The following PRSS12 variants were observed in gnomAD, a reference collection of about 807,000 sequenced individuals.
PRSS12 encodes serine protease 12, also known as neurotrypsin.
In PRSS12, 85 loss-of-function variants were observed where a neutral mutation model predicts 104.4. The ratio of observed to expected loss-of-function variants is 0.81; its 90% confidence interval spans 0.68 to 0.98. The LOEUF (loss-of-function observed/expected upper bound fraction) is 0.98, where lower values mean the gene tolerates loss of function less well. Among genes scored for constraint, PRSS12 ranks in the 50% least tolerant of loss-of-function variants. PRSS12 has a pLI of 0.00. For synonymous variants in PRSS12, 454 were observed against 425.2 expected (o/e 1.07, Z -0.83); for missense variants, 1,141 against 1,139.2 (o/e 1.00, Z -0.02).
chr4:118,298,285 ACAT>A lies in PRSS12; in HGVS notation c.1837+445_1837+447del, dbSNP rs1456119078. The stretch of plus-strand genomic sequence containing the variant: ...AATTTCAGAGAATAAAATCTACAAA[ACAT>A]CATTTTCTTTTTGAAATTCATTTTT... On this transcript the variant is annotated intron_variant, in intron 9 of 12. Coordinates refer to ENST00000296498, the MANE Select transcript of PRSS12 (RefSeq NM_003619.4). 2.0e-5 allele frequency among the ~76,000 whole-genome samples: 3 copies of A among 152,148 alleles called. No homozygotes were observed. In the South Asian group the frequency reaches 6.2e-4, roughly 32 times the overall value.
intron 1 of PRSS12, among the ~76,000 whole-genome samples, 163 bp downstream of exon 1, chr4:118,352,056 A>G (rs1724518756): frequency 6.6e-6 from 1 of 152,024 alleles, no homozygotes; most frequent in Non-Finnish European, 1.5e-5. Context: ...GCACCAGTAT[A>G]CCTTACTGGT....
intron 4 of PRSS12, among the ~76,000 whole-genome samples, chr4:118,322,989 A>G (rs1266392834): frequency 3.9e-5 from 6 of 152,092 alleles, no homozygotes; most frequent in Admixed American, 3.9e-4. Context: ...ACTGTCCAGA[A>G]ACCAAGTTTT....
At chr4:118,290,343 CTG>C (rs1743101467) in intron 11 of PRSS12, among the ~76,000 whole-genome samples, 1 of 152,160 alleles carries the variant, frequency 6.6e-6, no homozygotes, top group Non-Finnish European at 1.5e-5. Flanking sequence ...ACTCCTATGA[CTG>C]TAACTTTTGG....
At chr4:118,313,491 A>G (rs917263634) in intron 6 of PRSS12, 94 bp from the exon 7 acceptor site, 1 of 1,305,124 alleles carries the variant, frequency 7.7e-7, no homozygotes, top group Non-Finnish European at 1.1e-6. Context: ...GTTCAGTGAC[A>G]TGACTTCAGA....
At position 118,352,402 on chromosome 4, in the gene PRSS12, C is replaced by T. The variant is rs1433884757; in HGVS notation, c.319G>A (p.Ala107Thr). ...ACCTCCGCCCACCGCAGACACGGGG[C>T]GCCGAAGTCCGTCACGCTGACCCAT... ...EPWVSVTDFG[A>T]PCLRWAEVPP... is the part of the protein sequence containing the mutation. Residue 107 changes from alanine to threonine, a missense_variant, in exon 1 of 13, where the codon GCC becomes ACC. By Grantham distance (58) the Ala-to-Thr change is moderately conservative. Transcript: ENST00000296498. 1.3e-6 allele frequency: 2 copies of T among 1,538,522 alleles called. No homozygotes were observed. Among genetic ancestry groups the T allele is most frequent in the African/African-American group, 1.4e-5 (1 of 73,066 alleles).
intron 1 of PRSS12, among the ~76,000 whole-genome samples, chr4:118,349,231 C>T (rs1724431467): frequency 6.6e-6 from 1 of 151,804 alleles, no homozygotes; most frequent in Non-Finnish European, 1.5e-5. Context: ...TTTCTTTTGC[C>T]CTGGATTTCT....
chr4:118,294,471 GAAGA>G (rs1169697605), intron 11 of PRSS12, among the ~76,000 whole-genome samples: 3 of 152,122 alleles, frequency 2.0e-5, no homozygotes, highest in Non-Finnish European at 4.4e-5. Context: ...TTTGGGACAA[GAAGA>G]AATAATCAGG....
At chr4:118,304,162 GTATA>G (rs1401884332) in intron 8 of PRSS12, among the ~76,000 whole-genome samples, 1 of 151,526 alleles carries the variant, frequency 6.6e-6, no homozygotes, top group African/African-American at 2.4e-5. Context: ...GCATACATGT[GTATA>G]TGTATGTGTG....
rs571583637 is a variant in PRSS12 at position 118,332,002 on chromosome 4, C to T, written c.821-136G>A. On this transcript the variant is annotated intron_variant, in intron 3 of 12. Transcript: ENST00000296498. ...AAGCCACACCAGTGATATGGACATA[C>T]GTATATATATCTAATATATTATGGT... is the stretch of plus-strand genomic sequence containing the variant. The T allele has an allele frequency of 1.1e-4, 108 of 1,017,744 alleles. 1 individual carries two copies. The highest frequency in any genetic ancestry group is 8.7e-4 in the African/African-American group (54 of 61,720). 63.0% of individuals were successfully genotyped at this position (1,017,744 alleles called of 1,614,324 possible).
intron 6 of PRSS12, among the ~76,000 whole-genome samples, chr4:118,314,282 ATCTT>A (rs1194890950): frequency 2.6e-5 from 4 of 150,996 alleles, no homozygotes; most frequent in African/African-American, 9.7e-5. Context: ...ATATGAAGAG[ATCTT>A]TCTATCTGAC....
chr4:118,332,581 C>T (rs937810290), intron 3 of PRSS12, among the ~76,000 whole-genome samples: 6 of 152,146 alleles, frequency 3.9e-5, no homozygotes, highest in African/African-American at 1.4e-4. Context: ...CTAATTTTGT[C>T]TTCCTGAGAG....
rs571117031 is a variant in PRSS12 at position 118,318,748 on chromosome 4, T to C, written c.972-192A>G. On this transcript the variant is annotated intron_variant, in intron 4 of 12. Coordinates refer to ENST00000296498, the MANE Select transcript of PRSS12 (RefSeq NM_003619.4). ...CCTTTATATTTTCAGCCATTACCCA[T>C]GTTTCAAAGTTAGGTACTGCCCAAT... 5.4e-3 allele frequency among the ~76,000 whole-genome samples: 824 copies of C among 152,348 alleles called. 15 individuals are homozygous for C. Among genetic ancestry groups the C allele is most frequent in the African/African-American group, 0.019 (779 of 41,576 alleles).
intron 6 of PRSS12, among the ~76,000 whole-genome samples, chr4:118,315,319 GTTT>G (rs1165300181): frequency 6.6e-6 from 1 of 151,882 alleles, no homozygotes; most frequent in East Asian, 1.9e-4. Context: ...AAATTATGGA[GTTT>G]TTTATTTTCA....
chr4:118,328,158 G>T (rs749922440), intron 4 of PRSS12, among the ~76,000 whole-genome samples: 3 of 152,162 alleles, frequency 2.0e-5, no homozygotes. Flanking sequence ...AAATTATAGA[G>T]AAAGAAGAGT....
chr4:118,346,021 A>C (rs1387685220), intron 1 of PRSS12, among the ~76,000 whole-genome samples: 1 of 152,212 alleles, frequency 6.6e-6, no homozygotes, highest in Non-Finnish European at 1.5e-5. Context: ...GAAATGTGGA[A>C]GTCTGTGGGG....
chr4:118,315,483 T>C (rs900476740), intron 6 of PRSS12, among the ~76,000 whole-genome samples: 4 of 152,186 alleles, frequency 2.6e-5, no homozygotes, highest in Non-Finnish European at 5.9e-5. Flanking sequence ...TTTTGCCAGT[T>C]TTTTTAAGCA....
chr4:118,293,471 G>GA (rs1743176079), intron 11 of PRSS12, among the ~76,000 whole-genome samples: 1 of 151,978 alleles, frequency 6.6e-6, no homozygotes, highest in African/African-American at 2.4e-5. Flanking sequence ...AGTTTTGTAA[G>GA]AAAAAGGCCA....
intron 8 of PRSS12, among the ~76,000 whole-genome samples, chr4:118,302,941 G>T (rs908474965): frequency 1.3e-5 from 2 of 151,868 alleles, no homozygotes; most frequent in East Asian, 1.9e-4. Context: ...ATTCAAATCG[G>T]CATAATTTGA....
chr4:118,343,630 GC>G (rs1420335714), intron 1 of PRSS12, among the ~76,000 whole-genome samples: 3 of 152,030 alleles, frequency 2.0e-5, no homozygotes, highest in African/African-American at 7.2e-5. Flanking sequence ...GGTGGCCCAG[GC>G]CTGTAATCCC....
Sources: allele counts gnomAD v4.1 joint callset (sites outside exome capture counted in the v4.1 genomes callset), GRCh38; gene constraint gnomAD v4.1.1; transcripts MANE v1.5; gene names NCBI Gene and HGNC (gene_info 2026-07-23, HGNC 2026-07-21).